Variants in KIF16B observed in about 807,000 individuals in gnomAD.
KIF16B encodes the protein kinesin family member 16B, also known as kinesin-like protein KIF16B.
Under a neutral mutation model 156.3 loss-of-function variants are expected in KIF16B, and 98 were observed. The ratio of observed to expected loss-of-function variants is 0.63; its 90% CI spans 0.53 to 0.74. The LOEUF (loss-of-function observed/expected upper bound fraction) is 0.74, where lower values mean the gene tolerates loss of function less well. KIF16B is among the 30% of genes least tolerant of loss of function. KIF16B has a pLI of 0.00. For missense variants in KIF16B, 1,421 were observed against 1,606.5 expected (o/e 0.88, Z 1.97); for synonymous variants, 564 against 583.7 (o/e 0.97, Z 0.49).
intron 1 of KIF16B, among the ~76,000 whole-genome samples, chr20:16,546,354 G>A (rs1364573577): frequency 6.6e-6 from 1 of 152,174 alleles, no homozygotes; most frequent in Non-Finnish European, 1.5e-5. Flanking sequence ...CTATGGAGTC[G>A]ATACTCAATC....
In KIF16B at chr20:16,370,066, T is replaced by G. The variant is rs528876602; in HGVS notation, c.3498+520A>C. Among the ~76,000 whole-genome samples the G allele has an allele frequency of 7.2e-5, 11 of 152,324 alleles. No homozygotes were observed. The South Asian group carries it at 2.3e-3, about 32-fold the overall frequency. On this transcript the variant is annotated intron_variant, in intron 22 of 25. Coordinates refer to ENST00000354981, the MANE Select transcript of KIF16B (RefSeq NM_024704.5). Reference sequence around the variant, plus strand: ...CCATCACCTACTATTTTTTGGGGGTTGATTTTTTAAAATTTAGGAATATAT... The same window carrying G: ...CCATCACCTACTATTTTTTGGGGGTGGATTTTTTAAAATTTAGGAATATAT...
intron 12 of KIF16B, among the ~76,000 whole-genome samples, chr20:16,444,397 T>C (rs2066879527): frequency 6.6e-6 from 1 of 152,160 alleles, no homozygotes; most frequent in Non-Finnish European, 1.5e-5. Context: ...AAAAGAAGAA[T>C]ATTACTTCAT....
intron 24 of KIF16B, among the ~76,000 whole-genome samples, chr20:16,327,300 G>A (rs1367463852): frequency 6.6e-6 from 1 of 151,836 alleles, no homozygotes; most frequent in African/African-American, 2.4e-5. Context: ...GAAAGGGTGG[G>A]AGGGGGGATT....
At chr20:16,529,144 T>C (rs985164650) in intron 1 of KIF16B, among the ~76,000 whole-genome samples, 1 of 152,118 alleles carries the variant, frequency 6.6e-6, no homozygotes, top group Non-Finnish European at 1.5e-5. Flanking sequence ...ATTTAAACAC[T>C]TTTTTAAAAC....
At chr20:16,459,428 T>A (rs2067289554) in intron 12 of KIF16B, among the ~76,000 whole-genome samples, 1 of 152,204 alleles carries the variant, frequency 6.6e-6, no homozygotes, top group Non-Finnish European at 1.5e-5. Flanking sequence ...AATGTAATTA[T>A]ATTCAAGGGC....
chr20:16,371,594 A>AAAC lies in KIF16B; in HGVS notation c.3447+70_3447+71insGTT, dbSNP rs2064821661. On this transcript the variant is annotated intron_variant, in intron 21 of 25. Transcript: ENST00000354981. Reference sequence around the variant, plus strand: ...GACAGAACAAGACTCAGTCTCAAAAAAAAAAAAAAAAAGGAAAAAAGAAAG... The same window carrying AAAC: ...GACAGAACAAGACTCAGTCTCAAAAAAACAAAAAAAAAAAAGGAAAAAAGAAAG... 9.9e-6 allele frequency: 10 copies of AAAC among 1,006,082 alleles called. No homozygotes were observed. The East Asian group carries it at 2.4e-4, about 25-fold the overall frequency. 62.3% of individuals were successfully genotyped at this position (1,006,082 alleles called of 1,614,324 possible).
intron 12 of KIF16B, among the ~76,000 whole-genome samples, chr20:16,467,365 T>G (rs1272546704): frequency 1.3e-5 from 2 of 152,158 alleles, no homozygotes; most frequent in African/African-American, 4.8e-5. Flanking sequence ...CAGTACATCA[T>G]GACCACCTTT....
intron 15 of KIF16B, among the ~76,000 whole-genome samples, chr20:16,425,789 A>G (rs2066336102): frequency 6.6e-6 from 1 of 152,170 alleles, no homozygotes; most frequent in African/African-American, 2.4e-5. Context: ...TAGTCTAATC[A>G]TAAGGGAACA....
chr20:16,474,423 C>A (rs552447855), intron 12 of KIF16B, among the ~76,000 whole-genome samples: 2 of 152,166 alleles, frequency 1.3e-5, no homozygotes, highest in African/African-American at 2.4e-5. Flanking sequence ...ACATAGCAAG[C>A]GCTTATGCTC....
chr20:16,332,764 A>G (rs931874256), intron 24 of KIF16B, among the ~76,000 whole-genome samples: 1 of 152,168 alleles, frequency 6.6e-6, no homozygotes, highest in African/African-American at 2.4e-5. Flanking sequence ...AGAAATAAAA[A>G]AATTTTTCTT....
At chr20:16,418,652 T>A (rs888646822) in intron 15 of KIF16B, among the ~76,000 whole-genome samples, 42 of 152,242 alleles carry the variant, frequency 2.8e-4, no homozygotes, top group African/African-American at 1.0e-3. Context: ...TGTCCTCTGC[T>A]TCAACTCTTG....
intron 24 of KIF16B, among the ~76,000 whole-genome samples, chr20:16,327,000 T>A (rs1037223593): frequency 6.6e-6 from 1 of 150,592 alleles, no homozygotes; most frequent in Non-Finnish European, 1.5e-5. Context: ...TGTATGTGTA[T>A]GTGTATGCAT....
At chr20:16,381,844 A>C in intron 17 of KIF16B, 97 bp from the exon 18 acceptor site, 1 of 983,436 alleles carries the variant, frequency 1.0e-6, no homozygotes, top group Non-Finnish European at 1.5e-6. Context: ...AAAGGGCATC[A>C]GTTTTTCAAG....
At chr20:16,548,133 G>A (rs762041272) in intron 1 of KIF16B, among the ~76,000 whole-genome samples, 2 of 152,164 alleles carry the variant, frequency 1.3e-5, no homozygotes, top group East Asian at 1.9e-4. Flanking sequence ...ACACAGATCT[G>A]ATCCCAACAG....
intron 12 of KIF16B, among the ~76,000 whole-genome samples, chr20:16,452,251 A>G (rs2067101646): frequency 6.6e-6 from 1 of 152,204 alleles, no homozygotes; most frequent in Admixed American, 6.5e-5. Flanking sequence ...CAAATTCAGC[A>G]GCAAAAGAAG....
intron 1 of KIF16B, among the ~76,000 whole-genome samples, chr20:16,539,706 C>G (rs1390131008): frequency 6.6e-6 from 1 of 152,190 alleles, no homozygotes; most frequent in Non-Finnish European, 1.5e-5. Context: ...AACCTCTTTT[C>G]TTATAAATTA....
chr20:16,363,574 T>C (rs549730288), intron 22 of KIF16B, among the ~76,000 whole-genome samples: 2 of 152,330 alleles, frequency 1.3e-5, no homozygotes, highest in Non-Finnish European at 2.9e-5. Flanking sequence ...TCCTTGCCCC[T>C]TGATTTGGGG....
chr20:16,374,869 G>C (rs1274579385), intron 19 of KIF16B, among the ~76,000 whole-genome samples: 3 of 152,196 alleles, frequency 2.0e-5, no homozygotes, highest in South Asian at 4.1e-4. Flanking sequence ...TCTAAGTTGA[G>C]TCTCCAGAGG....
chr20:16,279,537 T>C (rs948589673), intron 25 of KIF16B, among the ~76,000 whole-genome samples: 4 of 152,096 alleles, frequency 2.6e-5, no homozygotes, highest in Non-Finnish European at 2.9e-5. Flanking sequence ...CAGACAAGGG[T>C]CAGGAATCAG....
Sources: gnomAD v4.1 joint callset for allele counts (sites outside exome capture counted in the v4.1 genomes callset) on GRCh38, gnomAD v4.1.1 for gene constraint, MANE v1.5 for transcripts, NCBI Gene and HGNC (gene_info 2026-07-23, HGNC 2026-07-21) for gene names.